Variants in MCF2L2 observed in about 807,000 individuals in gnomAD.
The protein encoded by MCF2L2 is probable guanine nucleotide exchange factor MCF2L2.
A neutral mutation model predicts 150.2 loss-of-function variants in MCF2L2; 102 were observed. The ratio of observed to expected loss-of-function variants is 0.68; its 90% CI spans 0.58 to 0.80. The LOEUF is 0.80. Among genes scored for constraint, MCF2L2 ranks in the 30% least tolerant of loss-of-function variants. The pLI is 0.00. For synonymous variants in MCF2L2, 465 were observed against 491.3 expected, an observed-to-expected ratio of 0.95 and a Z score of 0.71; for missense variants, 1,256 against 1,372.8, an observed-to-expected ratio of 0.91 and a Z score of 1.34.
intron 21 of MCF2L2, among the ~76,000 whole-genome samples, chr3:183,218,405 G>C (rs894183910): frequency 6.6e-6 from 1 of 151,384 alleles, no homozygotes; most frequent in Non-Finnish European, 1.5e-5. Flanking sequence ...GGAGGCCGAG[G>C]GGGGGAGTGG....
At chr3:183,411,457 A>G (rs1715311562) in intron 1 of MCF2L2, among the ~76,000 whole-genome samples, 1 of 152,208 alleles carries the variant, frequency 6.6e-6, no homozygotes, top group South Asian at 2.1e-4. Flanking sequence ...CCCGAAAGGG[A>G]GCCAATGTGA....
intron 1 of MCF2L2, among the ~76,000 whole-genome samples, chr3:183,422,872 G>A (rs986200366): frequency 6.6e-6 from 1 of 152,254 alleles, no homozygotes; most frequent in South Asian, 2.1e-4. Flanking sequence ...ACTGAGGAAT[G>A]GATCCCTGGG....
At chr3:183,208,403 CAG>C (rs1722574528) in intron 22 of MCF2L2, among the ~76,000 whole-genome samples, 1 of 152,204 alleles carries the variant, frequency 6.6e-6, no homozygotes, top group Non-Finnish European at 1.5e-5. Flanking sequence ...CTGAGTTTTT[CAG>C]AGTGAGTCAA....
intron 3 of MCF2L2, among the ~76,000 whole-genome samples, chr3:183,348,200 A>T (rs1176065106): frequency 6.6e-6 from 1 of 152,182 alleles, no homozygotes; most frequent in Non-Finnish European, 1.5e-5. Flanking sequence ...GTTCATATAC[A>T]CCATAGAATA....
At chr3:183,302,310 C>T (rs1043141673) in intron 10 of MCF2L2, among the ~76,000 whole-genome samples, 1 of 152,192 alleles carries the variant, frequency 6.6e-6, no homozygotes, top group Non-Finnish European at 1.5e-5. Context: ...CCTAGTGAAT[C>T]TTCGAAGAAA....
intron 1 of MCF2L2, among the ~76,000 whole-genome samples, chr3:183,390,521 G>C (rs1450474369): frequency 2.0e-5 from 3 of 152,218 alleles, no homozygotes; most frequent in Non-Finnish European, 4.4e-5. Context: ...GAATTAGAGA[G>C]AGGGGAGGAC....
intron 18 of MCF2L2, 140 bp downstream of exon 18, chr3:183,228,157 A>G (rs1723417367): frequency 7.9e-6 from 5 of 634,710 alleles, no homozygotes; most frequent in South Asian, 3.7e-5. Context: ...TTATTTACCA[A>G]TTATACTTCA....
At chr3:183,209,751 A>G (rs1431308102) in intron 22 of MCF2L2, among the ~76,000 whole-genome samples, 3 of 152,120 alleles carry the variant, frequency 2.0e-5, no homozygotes, top group Non-Finnish European at 4.4e-5. Flanking sequence ...AGCCTCCCAA[A>G]GTGCTGGGAT....
intron 7 of MCF2L2, among the ~76,000 whole-genome samples, chr3:183,314,596 C>T (rs1729520434): frequency 6.6e-6 from 1 of 152,012 alleles, no homozygotes. Flanking sequence ...TTCAAGAAAT[C>T]AAGCCAAATC....
In MCF2L2 at chr3:183,425,695, C is replaced by T. The variant is rs140167688; in HGVS notation, c.76+2207G>A. 2.0e-5 allele frequency among the ~76,000 whole-genome samples: 3 copies of T among 152,300 alleles called. No homozygotes were observed. The East Asian group carries it at 5.8e-4, about 29-fold the overall frequency. On this transcript the variant is annotated intron_variant, in intron 1 of 29. Coordinates refer to ENST00000328913, the MANE Select transcript of MCF2L2 (RefSeq NM_015078.4). ...CCCTGAAACCTTAAAAGATGATCCT[C>T]TCTCACTTTGGGAGGCCAAGGCCAA... is the stretch of plus-strand genomic sequence containing the variant.
intron 21 of MCF2L2, among the ~76,000 whole-genome samples, chr3:183,216,572 ATATATATATTTTTTTTTTTTT>A (rs1372510333): frequency 0.062 from 1,178 of 18,984 alleles, 52 homozygotes; most frequent in East Asian, 0.15. Context: ...ATATATATAT[ATATATATATTTTTTTTTTTTT>A]TTTTTTTTTT....
Position 183,207,757 on chromosome 3 carries a change from C to T in MCF2L2, c.2563G>A (p.Asp855Asn), listed in dbSNP as rs1431019471. The T allele has an allele frequency of 1.9e-6, 3 of 1,614,234 alleles. No individual in the cohort carries two copies. The highest frequency in any genetic ancestry group is 4.5e-5 in the East Asian group (2 of 44,888). ...GPFSVWTIHK[D>N]RYKMKDLIRF... ...ATCAAATCCTTCATTTTATAACGAT[C>T]CTTGTGAATTGTCCAGACGCTGAAA... The change falls in exon 23 of 30, where the codon GAT becomes AAT. Residue 855 changes from aspartate to asparagine, a missense_variant. By Grantham distance (23) the Asp-to-Asn change is conservative. Transcript: ENST00000328913.
rs1321822562 is a variant in MCF2L2, at chr3:183,228,216, G to GT, written c.2115+80dup. On this transcript the variant is annotated intron_variant, in intron 18 of 29. Coordinates refer to ENST00000328913, the MANE Select transcript of MCF2L2 (RefSeq NM_015078.4). ...GCAGATATGTTTTTAGACCATTGAT[G>GT]TTTCCATTTGTCCTTGCCACTTAAC... is the stretch of plus-strand genomic sequence containing the variant. The GT allele has an allele frequency of 3.4e-5, 34 of 1,012,660 alleles. No homozygotes were observed. The African/African-American group carries it at 5.2e-4, about 16-fold the overall frequency. The allele number at this position is 1,012,660 out of a possible 1,614,324, so 62.7% of individuals were successfully genotyped here.
intron 1 of MCF2L2, among the ~76,000 whole-genome samples, chr3:183,403,320 A>G (rs1714870114): frequency 6.6e-6 from 1 of 152,240 alleles, no homozygotes; most frequent in African/African-American, 2.4e-5. Flanking sequence ...AACCAGCAAA[A>G]GAGTCTTAGC....
chr3:183,288,481 CTT>C (rs535192977), intron 14 of MCF2L2, among the ~76,000 whole-genome samples: 67 of 135,142 alleles, frequency 5.0e-4, no homozygotes, highest in African/African-American at 1.2e-3. Context: ...TTGTCATGCT[CTT>C]TTTTTTTTTT....
In MCF2L2 at chr3:183,219,659, T is replaced by C. The variant is rs572030248; in HGVS notation, c.2370+197A>G. On this transcript the variant is annotated intron_variant, in intron 21 of 29. Coordinates refer to ENST00000328913, the MANE Select transcript of MCF2L2 (RefSeq NM_015078.4). ...GAAGAAAATATATTACCACTTCCAT[T>C]TGGGCTGCAAATCCCTACTTTAAAA... Among the ~76,000 whole-genome samples, 22 of 152,276 alleles carry C rather than the reference T, an allele frequency of 1.4e-4. No individual in the cohort carries two copies. In the East Asian group the frequency reaches 4.2e-3, roughly 29 times the overall value.
intron 1 of MCF2L2, among the ~76,000 whole-genome samples, chr3:183,405,677 T>C (rs936892331): frequency 3.9e-5 from 6 of 152,206 alleles, no homozygotes; most frequent in African/African-American, 1.2e-4. Flanking sequence ...GTACCTCAGT[T>C]TATCAATTCT....
intron 11 of MCF2L2, chr3:183,298,881 A>G (rs1577041153): frequency 6.6e-6 from 1 of 152,238 alleles, no homozygotes; most frequent in Admixed American, 6.5e-5. Context: ...CAGGCTGCAC[A>G]CCAGCCCCTT....
intron 1 of MCF2L2, among the ~76,000 whole-genome samples, chr3:183,393,297 G>A (rs1465564997): frequency 1.3e-5 from 2 of 151,062 alleles, no homozygotes; most frequent in Admixed American, 1.3e-4. Flanking sequence ...GGGTTCAAGC[G>A]ATTCTCCTGC....
Sources: allele counts gnomAD v4.1 joint callset (sites outside exome capture counted in the v4.1 genomes callset), GRCh38; gene constraint gnomAD v4.1.1; transcripts MANE v1.5; gene names NCBI Gene and HGNC (gene_info 2026-07-23, HGNC 2026-07-21).